The following ABCA2 variants were observed in gnomAD, a reference collection of about 807,000 sequenced individuals.
ABCA2 encodes the protein ATP binding cassette subfamily A member 2.
In ABCA2, 84 loss-of-function variants were observed where a neutral mutation model predicts 262.8. The ratio of observed to expected loss-of-function variants is 0.32; its 90% CI spans 0.27 to 0.38. ABCA2 has a LOEUF of 0.38. Ranked by LOEUF, ABCA2 falls within the 10% of genes least tolerant of loss-of-function variation. ABCA2 has a pLI of 1.00. For synonymous variants in ABCA2, 1,696 were observed against 1,502.9 expected, an observed-to-expected ratio of 1.13 and a Z score of -2.97; for missense variants, 2,662 against 3,405.9, an observed-to-expected ratio of 0.78 and a Z score of 5.44.
Position 137,023,127 on chromosome 9 carries a change from G to A in ABCA2, c.164-75C>T. 8 of 1,184,064 alleles carry A rather than the reference G, an allele frequency of 6.8e-6. No individual in the cohort carries two copies. In the East Asian group the frequency reaches 1.3e-4, roughly 19 times the overall value. 73.3% of individuals were successfully genotyped at this position (1,184,064 alleles called of 1,614,324 possible). A position where few individuals can be genotyped will look rare whatever the true frequency, so the allele number is the denominator to read the frequency against. ...AGAGAGAGGAATCCAGAAGGGGAGG[G>A]AGACAGAGGCCGAGAGGAGAAATTT... On this transcript the variant is annotated intron_variant, in intron 3 of 48. Coordinates refer to ENST00000341511, the MANE Select transcript of ABCA2 (RefSeq NM_001606.5).
rs1441657620 is a variant in ABCA2 at position 137,011,895 on chromosome 9, G to A, written c.5484C>T (p.Val1828=). The change falls in exon 35 of 49, where the codon GTC becomes GTT. Residue 1828 remains valine, a synonymous_variant. Coordinates refer to ENST00000341511, the MANE Select transcript of ABCA2 (RefSeq NM_001606.5). The surrounding 1 kb of genome is among the most constrained non-coding windows in gnomAD (Gnocchi z 8.8). ...KSTKAKHLQF[V]SGCNPIIYWL... ...AGTAGATGATGGGGTTGCAGCCGCT[G>A]ACAAACTGCAGGTGCTTGGCCTTGG... The A allele has an allele frequency of 2.5e-6, 4 of 1,611,952 alleles. No individual in the cohort carries two copies. The highest frequency in any genetic ancestry group is 2.2e-5 in the East Asian group (1 of 44,848).
intron 1 of ABCA2, among the ~76,000 whole-genome samples, chr9:137,024,462 C>G (rs1564233015): frequency 6.6e-6 from 1 of 152,252 alleles, no homozygotes; most frequent in Non-Finnish European, 1.5e-5. Context: ...CCAGCCCACA[C>G]TGGGCCTACG....
Position 137,018,281 on chromosome 9 carries a change from G to A in ABCA2, c.1890C>T (p.Ser630=). ...TCTCGTTGGTTTTCTCGGTGAAGCT[G>A]GAGTTCTGGCGGATCTTGTAGTGCA... The part of the protein sequence containing the change: ...PHVHYKIRQN[S]SFTEKTNEIR... Residue 630 remains serine, a synonymous_variant, in exon 14 of 49, where the codon TCC becomes TCT. Transcript: ENST00000341511. 1 of 1,610,382 alleles carries A rather than the reference G, an allele frequency of 6.2e-7. No homozygotes were observed. Among genetic ancestry groups the A allele is most frequent in the Non-Finnish European group, 8.5e-7 (1 of 1,179,430 alleles).
At chr9:137,024,618 C>A (rs1020507784) in intron 1 of ABCA2, among the ~76,000 whole-genome samples, 4 of 152,194 alleles carry the variant, frequency 2.6e-5, no homozygotes, top group African/African-American at 9.7e-5. Context: ...AGCCACTAGC[C>A]CCGCCTACAC....
Position 137,020,794 on chromosome 9 carries a change from A to G in ABCA2, c.1165T>C (p.Ser389Pro). 6.3e-7 allele frequency: 1 copy of G among 1,587,458 alleles called. No individual in the cohort carries two copies. Residue 389 changes from serine (S) to proline (P), a missense_variant, in exon 9 of 49, where the codon TCT becomes CCT. Ser to Pro is a moderately conservative substitution (Grantham distance 74). Around this residue, in one of 12 missense-constraint regions of ABCA2, gnomAD observed 403 missense variants for 375.9 expected, o/e 1.07. Coordinates refer to ENST00000341511, the MANE Select transcript of ABCA2 (RefSeq NM_001606.5). ...TCCGGGGTGGCCAGTGCTGCAGCAG[A>G]GGGTGCGCCCTCCTCAGCGGTGGCG... ...PNATAEEGAP[S>P]AAALATPDTL... is the part of the protein sequence containing the mutation.
chr9:137,013,675 CGAG>C, intron 28 of ABCA2, 112 bp from the exon 29 acceptor site: 2 of 1,371,348 alleles, frequency 1.5e-6, no homozygotes, highest in African/African-American at 2.9e-5. Flanking sequence ...GTCTGGGACC[CGAG>C]GAGACAGGAC....
At position 137,007,930 on chromosome 9, in the gene ABCA2, C is replaced by G; in HGVS notation, c.7310G>C (p.Ter2437SerextTer69). The stretch of plus-strand genomic sequence containing the variant: ...CCTCCCTGGCCCAGCTCTGGGTGGT[C>G]AGCAGAGCGTGTCCGTGTTGAAGGA... ...QLSFNTDTLC[*>S] The change falls in exon 49 of 49, where the codon TGA (stop) becomes TCA (serine). Residue 2437 changes from the stop codon to serine (S), a stop_lost. Transcript: ENST00000341511. The G allele has an allele frequency of 6.2e-7, 1 of 1,605,792 alleles. No individual in the cohort carries two copies. The highest frequency in any genetic ancestry group is 8.5e-7 in the Non-Finnish European group (1 of 1,179,856).
chr9:137,017,169 A>G, intron 18 of ABCA2, 27 bp downstream of exon 18: 1 of 1,611,678 alleles, frequency 6.2e-7, no homozygotes, highest in South Asian at 1.1e-5. Flanking sequence ...CCGGCACCCC[A>G]GCCGCCCGCC....
chr9:137,009,979 T>C lies in ABCA2; in HGVS notation c.6495+4A>G. The C allele has an allele frequency of 6.3e-7, 1 of 1,595,974 alleles. No individual in the cohort carries two copies. The highest frequency in any genetic ancestry group is 8.5e-7 in the Non-Finnish European group (1 of 1,171,158). On this transcript the variant is annotated splice_donor_region_variant and intron_variant, in intron 42 of 48. Coordinates refer to ENST00000341511, the MANE Select transcript of ABCA2 (RefSeq NM_001606.5). Reference sequence around the variant, plus strand: ...ACTCCCTGCCCCGCCCCACAGATCCTCACCCGGGCCTCGTCCTTCCAGGAG... The same window carrying C: ...ACTCCCTGCCCCGCCCCACAGATCCCCACCCGGGCCTCGTCCTTCCAGGAG...
intron 1 of ABCA2, among the ~76,000 whole-genome samples, chr9:137,024,725 C>T (rs982470043): frequency 4.6e-5 from 7 of 152,008 alleles, no homozygotes; most frequent in Admixed American, 3.9e-4. Context: ...GCTTGGCCTG[C>T]GCCCAGGGCC....
Position 137,009,651 on chromosome 9 carries a change from A to G in ABCA2, c.6631-7T>C. On this transcript the variant is annotated splice_region_variant and splice_polypyrimidine_tract_variant and intron_variant, in intron 43 of 48. Coordinates refer to ENST00000341511, the MANE Select transcript of ABCA2 (RefSeq NM_001606.5). ...TGCCTGTGGTGGGCTCGTCCTGGGG[A>G]TGGGTGGCAGGCTCAGCTGCTGCCA... 6 of 1,612,538 alleles carry G rather than the reference A, an allele frequency of 3.7e-6. No homozygotes were observed. The highest frequency in any genetic ancestry group is 1.1e-5 in the South Asian group (1 of 91,078).
chr9:137,020,024 C>T lies in ABCA2; in HGVS notation c.1425+312G>A, dbSNP rs561618045. On this transcript the variant is annotated intron_variant, in intron 10 of 48. Transcript: ENST00000341511. The stretch of plus-strand genomic sequence containing the variant: ...CCAGAACCCAAACTGCCCAGCTGCC[C>T]GCCCACGAGACACTCTGGAAGGTCT... 9.0e-5 allele frequency: 29 copies of T among 321,320 alleles called. No individual in the cohort carries two copies. The Admixed American group carries it at 1.0e-3, about 11-fold the overall frequency. 19.9% of individuals were successfully genotyped at this position (321,320 alleles called of 1,614,324 possible). A position where few individuals can be genotyped will look rare whatever the true frequency, so the allele number is the denominator to read the frequency against.
chr9:137,009,029 C>A lies in ABCA2; in HGVS notation c.6852G>T (p.Thr2284=), dbSNP rs200737069. The A allele has an allele frequency of 9.3e-6, 15 of 1,608,358 alleles. No individual in the cohort carries two copies. The highest frequency in any genetic ancestry group is 1.3e-5 in the Non-Finnish European group (15 of 1,179,776). The change falls in exon 46 of 49, where the codon ACG becomes ACT. Residue 2284 remains threonine (T), a synonymous_variant. Transcript: ENST00000341511. ...CACTCTGGCTGCTCTTGGTCCGCAC[C>A]GTGATCATGTAGCCATCTCCAAACC... The part of the protein sequence containing the change: ...KNRFGDGYMI[T]VRTKSSQSVK...
intron 43 of ABCA2, 31 bp downstream of exon 43, chr9:137,009,738 G>A (rs1397558575): frequency 1.2e-6 from 2 of 1,608,370 alleles, no homozygotes; most frequent in African/African-American, 2.7e-5. Context: ...TCAAAGGCCA[G>A]GCAGCCACCC....
At chr9:137,027,076 C>A (rs1463758556) in intron 1 of ABCA2, among the ~76,000 whole-genome samples, 1 of 152,244 alleles carries the variant, frequency 6.6e-6, no homozygotes, top group Admixed American at 6.5e-5. Context: ...CCCAAGGGGT[C>A]CCGCCCGGGC....
chr9:137,009,171 G>GC, intron 45 of ABCA2, 118 bp from the exon 46 acceptor site: 6 of 1,028,866 alleles, frequency 5.8e-6, no homozygotes, highest in Non-Finnish European at 8.2e-6. Flanking sequence ...GCCTCCCACA[G>GC]CCCCCCAACC....
At chr9:137,023,160 G>A (rs1831539074) in intron 3 of ABCA2, 108 bp from the exon 4 acceptor site, 1 of 904,064 alleles carries the variant, frequency 1.1e-6, no homozygotes. Flanking sequence ...TTTAGAGAAA[G>A]TCAGGAAGGA....
chr9:137,011,313 C>T lies in ABCA2; in HGVS notation c.5800-4G>A, dbSNP rs1040410817. On this transcript the variant is annotated splice_region_variant and splice_polypyrimidine_tract_variant and intron_variant, in intron 37 of 48. Coordinates refer to ENST00000341511, the MANE Select transcript of ABCA2 (RefSeq NM_001606.5). The surrounding 1 kb of genome is among the most constrained non-coding windows in gnomAD (Gnocchi z 8.8). ...AACTGTTGACAACCTTCAGGTCCTG[C>T]GGGGTGGCCGGGGTCAGGGGCACAG... The T allele has an allele frequency of 1.5e-5, 24 of 1,605,110 alleles. No homozygotes were observed. The highest frequency in any genetic ancestry group is 1.8e-5 in the Non-Finnish European group (21 of 1,175,606).
Position 137,012,858 on chromosome 9 carries a change from C to G in ABCA2, c.4935G>C (p.Ala1645=). The G allele has an allele frequency of 1.9e-6, 3 of 1,602,684 alleles. No individual in the cohort carries two copies. In the African/African-American group the frequency reaches 4.0e-5, roughly 21 times the overall value. The part of the protein sequence containing the change: ...VREPVRCTCS[A]QGTGFSCPSS... ...TGGGGCAGGAGAAGCCGGTGCCCTG[C>G]GCAGAGCAGGTGCAGCGGACGGGCT... is the stretch of plus-strand genomic sequence containing the variant. The change falls in exon 31 of 49, where the codon GCG becomes GCC. Residue 1645 remains alanine (A), a synonymous_variant. Coordinates refer to ENST00000341511, the MANE Select transcript of ABCA2 (RefSeq NM_001606.5).
Sources: gnomAD v4.1 joint callset for allele counts (sites outside exome capture counted in the v4.1 genomes callset) on GRCh38, gnomAD v4.1.1 for gene constraint, gnomAD v4.1.1 regional missense constraint, Gnocchi (gnomAD v3.1) non-coding constraint, MANE v1.5 for transcripts, NCBI Gene and HGNC (gene_info 2026-07-23, HGNC 2026-07-21) for gene names.